Variants in ATP13A3 observed in about 807,000 individuals in gnomAD.
ATP13A3 encodes the protein ATPase 13A3.
ATP13A3 carries 59 observed loss-of-function variants against 158.1 expected under a neutral mutation model. The observed-to-expected ratio is 0.37, with a 90% CI of 0.30 to 0.46. The LOEUF (loss-of-function observed/expected upper bound fraction) is 0.46, where lower values mean the gene tolerates loss of function less well. ATP13A3 is among the 20% of genes least tolerant of loss of function. ATP13A3 has a pLI of 1.00. For synonymous variants in ATP13A3, 491 were observed against 504.3 expected (o/e 0.97, Z 0.35); for missense variants, 1,166 against 1,525.2 (o/e 0.76, Z 3.92).
At chr3:194,460,626 AT>A in intron 4 of ATP13A3, 31 bp downstream of exon 4, 1 of 1,602,636 alleles carries the variant, frequency 6.2e-7, no homozygotes, top group Non-Finnish European at 8.5e-7. Context: ...TACTCCTTAA[AT>A]AATCAGCTAC....
chr3:194,475,654 A>G (rs753782078), intron 2 of ATP13A3, among the ~76,000 whole-genome samples: 1 of 152,166 alleles, frequency 6.6e-6, no homozygotes, highest in Non-Finnish European at 1.5e-5. Context: ...CATCATAAAA[A>G]TGTTAACTTT....
intron 15 of ATP13A3, among the ~76,000 whole-genome samples, chr3:194,442,232 C>T (rs1397796032): frequency 6.6e-6 from 1 of 152,152 alleles, no homozygotes; most frequent in Non-Finnish European, 1.5e-5. Context: ...AAGAATGAGT[C>T]CATAATTTAA....
intron 33 of ATP13A3, among the ~76,000 whole-genome samples, chr3:194,410,268 CG>C (rs1715267144): frequency 1.8e-5 from 2 of 111,974 alleles, no homozygotes; most frequent in South Asian, 6.0e-4. Context: ...GAGACCAGCC[CG>C]GGCAACATGG....
At chr3:194,432,032 G>T in intron 21 of ATP13A3, 140 bp from the exon 22 acceptor site, 1 of 673,264 alleles carries the variant, frequency 1.5e-6, no homozygotes, top group Non-Finnish European at 2.2e-6. Flanking sequence ...TCCACTTACA[G>T]TTTAAAAATA....
chr3:194,410,331 A>AAAAAC lies in ATP13A3; in HGVS notation c.3573+1867_3573+1868insGTTTT, dbSNP rs869283016. Among the ~76,000 whole-genome samples the AAAAAC allele has an allele frequency of 6.2e-4, 83 of 132,968 alleles. 1 individual carries two copies. The highest frequency in any genetic ancestry group is 7.7e-4 in the Non-Finnish European group (48 of 62,578). The allele number at this position is 132,968 out of a possible 152,430, so 87.2% of individuals were successfully genotyped here. A position where few individuals can be genotyped will look rare whatever the true frequency, so the allele number is the denominator to read the frequency against. ...AAAAAAAAAAAAAAAAAAAAAAAAA[A>AAAAAC]CTGCTGGGCCTGGGATGGCATGCAC... is the stretch of plus-strand genomic sequence containing the variant. On this transcript the variant is annotated intron_variant, in intron 33 of 33. Transcript: ENST00000645319.
intron 4 of ATP13A3, 47 bp from the exon 5 acceptor site, chr3:194,460,018 A>C (rs1577079114): frequency 7.1e-7 from 1 of 1,408,022 alleles, no homozygotes; most frequent in Non-Finnish European, 9.7e-7. Context: ...TTTATAGAAA[A>C]CTGCCTATAT....
At position 194,406,127 on chromosome 3, in the gene ATP13A3, A is replaced by G; in HGVS notation, c.3574-11T>C. 6.2e-7 allele frequency: 1 copy of G among 1,613,388 alleles called. No homozygotes were observed. On this transcript the variant is annotated splice_polypyrimidine_tract_variant and intron_variant, in intron 33 of 33. Transcript: ENST00000645319. ...CCGATCCACTGACTCCTAAGAAAAT[A>G]AGAAAAAAACAAAACAAAACACCCC...
Position 194,427,181 on chromosome 3 carries a change from G to C in ATP13A3, c.3019C>G (p.Leu1007Val), listed in dbSNP as rs776666496. 5.0e-6 allele frequency: 8 copies of C among 1,613,554 alleles called. No individual in the cohort carries two copies. The highest frequency in any genetic ancestry group is 6.8e-6 in the Non-Finnish European group (8 of 1,179,926). ...ATAATCTGAGACAAAACGGAGAAGA[G>C]AAGGGCCCCAGATATAAGACCCGAA... ...PPSGLISGAL[L>V]FSVLSQIIIC... Residue 1007 changes from leucine to valine, a missense_variant, in exon 29 of 34, where the codon CTC becomes GTC. Transcript: ENST00000645319.
At chr3:194,487,998 G>A (rs1002869393), upstream of ATP13A3, 6 of 152,400 alleles carry the variant, frequency 3.9e-5, no homozygotes, top group African/African-American at 1.4e-4. Context: ...CATCTCACCA[G>A]GGGCAGCACA....
chr3:194,480,756 T>G (rs1720718092), intron 2 of ATP13A3, among the ~76,000 whole-genome samples: 1 of 152,144 alleles, frequency 6.6e-6, no homozygotes, highest in South Asian at 2.1e-4. Flanking sequence ...CTACTTACAC[T>G]CTGGGGGGAA....
intron 2 of ATP13A3, among the ~76,000 whole-genome samples, chr3:194,481,307 T>C (rs139793491): frequency 6.6e-6 from 1 of 152,066 alleles, no homozygotes; most frequent in Non-Finnish European, 1.5e-5. Context: ...TGACTCATTT[T>C]AAACAAACTA....
At chr3:194,464,824 C>T (rs1306617421) in intron 2 of ATP13A3, among the ~76,000 whole-genome samples, 3 of 152,070 alleles carry the variant, frequency 2.0e-5, no homozygotes, top group Non-Finnish European at 2.9e-5. Context: ...ACTATGTTGC[C>T]CAGGCTGGTT....
At position 194,471,324 on chromosome 3, in the gene ATP13A3, TAAAA is replaced by T. The variant is rs59967046; in HGVS notation, c.-46-9092_-46-9089del. On this transcript the variant is annotated intron_variant, in intron 2 of 33. Coordinates refer to ENST00000645319, the MANE Select transcript of ATP13A3 (RefSeq NM_001367549.1). ...TACAGCGTTAAGTAGCAGCAAATTCTAAAAAAAAAAAAAAAAAAAAAAAGAAAAG... is the reference window on the plus strand; with the variant it reads ...TACAGCGTTAAGTAGCAGCAAATTCTAAAAAAAAAAAAAAAAAAAGAAAAG... Among the ~76,000 whole-genome samples the T allele has an allele frequency of 7.9e-5, 7 of 88,098 alleles. No individual in the cohort carries two copies. In the East Asian group the frequency reaches 8.0e-4, roughly 10 times the overall value. The allele number at this position is 88,098 out of a possible 152,430, so 57.8% of individuals were successfully genotyped here.
intron 26 of ATP13A3, 114 bp from the exon 27 acceptor site, chr3:194,429,888 G>T: frequency 9.4e-7 from 1 of 1,065,218 alleles, no homozygotes; most frequent in Non-Finnish European, 1.4e-6. Flanking sequence ...ACAACAAAGT[G>T]CTTATCCACC....
At chr3:194,457,073 C>G in intron 7 of ATP13A3, 21 bp downstream of exon 7, 2 of 1,588,502 alleles carry the variant, frequency 1.3e-6, no homozygotes, top group South Asian at 2.2e-5. Context: ...GAAGATCTAA[C>G]TTTAGTTGGA....
intron 2 of ATP13A3, among the ~76,000 whole-genome samples, chr3:194,472,841 T>G (rs901433814): frequency 6.6e-6 from 1 of 152,206 alleles, no homozygotes; most frequent in African/African-American, 2.4e-5. Flanking sequence ...AATTATGTCT[T>G]TTGCAGTAAC....
rs1016953246 is a variant in ATP13A3 at position 194,403,356 on chromosome 3, G to A, written c.*2563C>T. 5 of 152,178 alleles carry A rather than the reference G, an allele frequency of 3.3e-5. No individual in the cohort carries two copies. The highest frequency in any genetic ancestry group is 1.2e-4 in the African/African-American group (5 of 41,446). 9.4% of individuals were successfully genotyped at this position (152,178 alleles called of 1,614,324 possible). On this transcript the variant is annotated 3_prime_UTR_variant, in exon 34 of 34. Coordinates refer to ENST00000645319, the MANE Select transcript of ATP13A3 (RefSeq NM_001367549.1). Reference sequence around the variant, plus strand: ...AGCCACTTGTATTCAAGCATTATTTGCAGCATTGCTTTACAGCAGTTGGTG... The same window carrying A: ...AGCCACTTGTATTCAAGCATTATTTACAGCATTGCTTTACAGCAGTTGGTG...
chr3:194,455,918 G>C lies in ATP13A3; in HGVS notation c.605C>G (p.Ser202Cys). The C allele has an allele frequency of 6.4e-7, 1 of 1,554,320 alleles. No homozygotes were observed. The highest frequency in any genetic ancestry group is 8.8e-7 in the Non-Finnish European group (1 of 1,142,668). Residue 202 changes from serine (S) to cysteine (C), a missense_variant, in exon 8 of 34, where the codon TCT becomes TGT. Ser to Cys is a moderately radical substitution (Grantham distance 112). Around this residue, in one of 3 missense-constraint regions of ATP13A3, gnomAD observed 997 missense variants for 1,341.2 expected, o/e 0.74. Transcript: ENST00000645319. ...GVNEIAVKVP[S>C]VFKLLIKEVL... ...CTCTTTAATTAGAAGCTTAAAAACA[G>C]AAGGCACTTTTACAGCAATTTCATT...
intron 2 of ATP13A3, among the ~76,000 whole-genome samples, chr3:194,484,556 C>A (rs918601343): frequency 6.8e-6 from 1 of 146,242 alleles, no homozygotes; most frequent in Non-Finnish European, 1.5e-5. Flanking sequence ...GATGGGGACG[C>A]CCTATGGAAC....
Sources: allele counts gnomAD v4.1 joint callset (sites outside exome capture counted in the v4.1 genomes callset), GRCh38; gene constraint gnomAD v4.1.1; regional missense constraint gnomAD v4.1.1; transcripts MANE v1.5; gene names NCBI Gene and HGNC (gene_info 2026-07-23, HGNC 2026-07-21).